Variants in USP8 observed in about 807,000 individuals in gnomAD.
The protein encoded by USP8 is ubiquitin carboxyl-terminal hydrolase 8.
Under a neutral mutation model 130.0 loss-of-function variants are expected in USP8, and 27 were observed. The observed-to-expected ratio is 0.21, with a 90% CI of 0.15 to 0.29. The LOEUF (loss-of-function observed/expected upper bound fraction) is 0.29, where lower values mean the gene tolerates loss of function less well. Ranked by LOEUF, USP8 falls within the 10% of genes least tolerant of loss-of-function variation. The pLI is 1.00. For synonymous variants in USP8, 392 were observed against 444.1 expected (o/e 0.88, Z 1.48); for missense variants, 1,029 against 1,312.2 (o/e 0.78, Z 3.33).
chr15:50,450,532 C>G (rs1220579804), intron 4 of USP8, among the ~76,000 whole-genome samples: 2 of 133,648 alleles, frequency 1.5e-5, no homozygotes, highest in Non-Finnish European at 3.1e-5. Context: ...AGTACAATGG[C>G]CTGATCTCAG....
chr15:50,508,212 T>C lies in USP8; in HGVS notation c.*9124T>C, dbSNP rs1160052315. On this transcript the variant is annotated 3_prime_UTR_variant, in exon 20 of 20. Transcript: ENST00000307179. ...ATTAAAAAAACACTTCTAAGTAACT[T>C]TATAAATAAATTATAAAAGTAAAAC... 6.6e-6 allele frequency: 1 copy of C among 152,046 alleles called. No individual in the cohort carries two copies. The highest frequency in any genetic ancestry group is 2.4e-5 in the African/African-American group (1 of 41,388). 9.4% of individuals were successfully genotyped at this position (152,046 alleles called of 1,614,324 possible). A position where few individuals can be genotyped will look rare whatever the true frequency, so the allele number is the denominator to read the frequency against.
chr15:50,480,816 T>C (rs2051739916), intron 10 of USP8, among the ~76,000 whole-genome samples: 1 of 150,216 alleles, frequency 6.7e-6, no homozygotes, highest in African/African-American at 2.4e-5. Flanking sequence ...GAGAAACAGA[T>C]TGGGGGGCGG....
intron 4 of USP8, among the ~76,000 whole-genome samples, chr15:50,457,001 A>G (rs529848515): frequency 7.9e-5 from 12 of 152,374 alleles, no homozygotes; most frequent in Admixed American, 1.3e-4. Context: ...GTGACATGCT[A>G]ATTTCTTCTC....
intron 1 of USP8, among the ~76,000 whole-genome samples, chr15:50,429,946 T>A (rs1481823791): frequency 6.6e-6 from 1 of 152,218 alleles, no homozygotes; most frequent in Non-Finnish European, 1.5e-5. Flanking sequence ...TAGACATCTA[T>A]TCTGGAAAAC....
At position 50,511,876 on chromosome 15, in the gene USP8, T is replaced by C. The variant is rs554539997; in HGVS notation, c.*12788T>C. The C allele has an allele frequency of 1.2e-4, 18 of 152,184 alleles. No homozygotes were observed. The highest frequency in any genetic ancestry group is 3.6e-4 in the African/African-American group (15 of 41,496). 9.4% of individuals were successfully genotyped at this position (152,184 alleles called of 1,614,324 possible). A position where few individuals can be genotyped will look rare whatever the true frequency, so the allele number is the denominator to read the frequency against. On this transcript the variant is annotated 3_prime_UTR_variant, in exon 20 of 20. Transcript: ENST00000307179. Reference sequence around the variant, plus strand: ...ATTGGGGCATGGTGGTGCACACCTGTGGTCCCAGCTACTCGAGGGAGGGAG... The same window carrying C: ...ATTGGGGCATGGTGGTGCACACCTGCGGTCCCAGCTACTCGAGGGAGGGAG...
chr15:50,444,914 C>T (rs2050375919), intron 3 of USP8, among the ~76,000 whole-genome samples: 1 of 152,036 alleles, frequency 6.6e-6, no homozygotes. Context: ...CGCACCACCA[C>T]ACCTGGCTAA....
At chr15:50,493,222 A>G (rs1273777354) in intron 15 of USP8, 2 of 509,060 alleles carry the variant, frequency 3.9e-6, no homozygotes, top group Non-Finnish European at 7.6e-6. Flanking sequence ...TCATGGCCTT[A>G]TCACCTCTTT....
intron 4 of USP8, among the ~76,000 whole-genome samples, chr15:50,450,536 A>G (rs562019084): frequency 1.5e-5 from 2 of 130,332 alleles, no homozygotes; most frequent in Admixed American, 1.0e-4. Flanking sequence ...CAATGGCCTG[A>G]TCTCAGCTCA....
At chr15:50,488,128 A>G (rs1437600611) in intron 12 of USP8, among the ~76,000 whole-genome samples, 1 of 152,158 alleles carries the variant, frequency 6.6e-6, no homozygotes, top group African/African-American at 2.4e-5. Context: ...CCATTCTGTC[A>G]TATTTTTCAC....
chr15:50,440,612 G>A (rs2050223787), intron 2 of USP8, among the ~76,000 whole-genome samples: 1 of 152,154 alleles, frequency 6.6e-6, no homozygotes, highest in African/African-American at 2.4e-5. Flanking sequence ...TGTAGAACCA[G>A]TGGTATCCCT....
In USP8 at chr15:50,497,238, G is replaced by A. The variant is rs746693019; in HGVS notation, c.3038+7G>A. The A allele has an allele frequency of 4.4e-6, 7 of 1,595,406 alleles. No individual in the cohort carries two copies. The highest frequency in any genetic ancestry group is 6.0e-6 in the Non-Finnish European group (7 of 1,174,572). On this transcript the variant is annotated splice_region_variant and intron_variant, in intron 18 of 19. Transcript: ENST00000307179. ...TTTTAGTGCATCTGAAACGGTAAAG[G>A]GGAAAGTTTGTCCTCCTGTTCAGTG...
chr15:50,453,113 G>C (rs1415555083), intron 4 of USP8, among the ~76,000 whole-genome samples: 1 of 152,220 alleles, frequency 6.6e-6, no homozygotes, highest in Non-Finnish European at 1.5e-5. Context: ...AGAGAAGTGG[G>C]GGAAGTGAGC....
At chr15:50,498,868 T>G in intron 19 of USP8, 35 bp from the exon 20 acceptor site, 5 of 1,565,650 alleles carry the variant, frequency 3.2e-6, no homozygotes, top group Non-Finnish European at 4.3e-6. Context: ...CAATTTTAAC[T>G]GAATTGATTT....
chr15:50,498,374 T>C (rs1268484200), intron 18 of USP8: 1 of 483,634 alleles, frequency 2.1e-6, no homozygotes, highest in Non-Finnish European at 3.5e-6. Context: ...TCTGGCTGTT[T>C]GACCTTAGGC....
At chr15:50,425,126 C>A (rs2049670703) in intron 1 of USP8, among the ~76,000 whole-genome samples, 1 of 152,130 alleles carries the variant, frequency 6.6e-6, no homozygotes, top group African/African-American at 2.4e-5. Context: ...TGCAGACCAC[C>A]CTCCTGGGTT....
chr15:50,504,317 G>C lies in USP8; in HGVS notation c.*5229G>C, dbSNP rs2052628658. ...GAGGTGGGCAGACTGCTTGAGCCCA[G>C]GAGTTGTAGACCAGCCTGGGCAACA... On this transcript the variant is annotated 3_prime_UTR_variant, in exon 20 of 20. Transcript: ENST00000307179. 1 of 152,308 alleles carries C rather than the reference G, an allele frequency of 6.6e-6. No individual in the cohort carries two copies. Among genetic ancestry groups the C allele is most frequent in the Admixed American group, 6.5e-5 (1 of 15,270 alleles). The allele number at this position is 152,308 out of a possible 1,614,324, so 9.4% of individuals were successfully genotyped here. A position where few individuals can be genotyped will look rare whatever the true frequency, so the allele number is the denominator to read the frequency against.
chr15:50,455,536 T>TA (rs2050764159), intron 4 of USP8, among the ~76,000 whole-genome samples: 1 of 152,270 alleles, frequency 6.6e-6, no homozygotes, highest in African/African-American at 2.4e-5. Flanking sequence ...TGCATCATCT[T>TA]AGAGTCAGTG....
intron 10 of USP8, among the ~76,000 whole-genome samples, chr15:50,477,901 A>G (rs2051623640): frequency 6.6e-6 from 1 of 152,146 alleles, no homozygotes; most frequent in African/African-American, 2.4e-5. Flanking sequence ...AACCTTTAAC[A>G]TCTTAGAAAA....
rs749106589 is a variant in USP8, at chr15:50,499,056, T to C, written c.3325T>C (p.Leu1109=). 6.9e-5 allele frequency: 112 copies of C among 1,612,346 alleles called. No individual in the cohort carries two copies. The highest frequency in any genetic ancestry group is 9.4e-5 in the Non-Finnish European group (111 of 1,179,182). Residue 1109 remains leucine, a synonymous_variant, in exon 20 of 20, where the codon TTG becomes CTG. Coordinates refer to ENST00000307179, the MANE Select transcript of USP8 (RefSeq NM_005154.5). ...SAAYILFYTS[L]GPRVTDVAT ...AGCTTATATCCTCTTTTATACTTCA[T>C]TGGGACCACGAGTAACTGATGTAGC... is the stretch of plus-strand genomic sequence containing the variant.
Sources: gnomAD v4.1 joint callset for allele counts (sites outside exome capture counted in the v4.1 genomes callset) on GRCh38, gnomAD v4.1.1 for gene constraint, MANE v1.5 for transcripts, NCBI Gene and HGNC (gene_info 2026-07-23, HGNC 2026-07-21) for gene names.